The following CEP63 variants were observed in gnomAD, a reference collection of about 807,000 sequenced individuals.
CEP63 encodes the protein centrosomal protein of 63 kDa.
A neutral mutation model predicts 89.1 loss-of-function variants in CEP63; 84 were observed. The observed-to-expected ratio is 0.94, with a 90% CI of 0.79 to 1.13. The LOEUF (loss-of-function observed/expected upper bound fraction) is 1.13, where lower values mean the gene tolerates loss of function less well. Ranked by LOEUF, CEP63 falls within the 50% of genes most tolerant of loss-of-function variation. The probability of loss-of-function intolerance (pLI) is 0.00; values close to 1 mark genes in which losing one functional copy is unlikely to be tolerated. For missense variants in CEP63, 838 were observed against 813.3 expected, an observed-to-expected ratio of 1.03 and a Z score of -0.37; for synonymous variants, 267 against 272.5, an observed-to-expected ratio of 0.98 and a Z score of 0.20.
At chr3:134,594,511 C>T in the CEP63 span, among the ~76,000 whole-genome samples, 22 of 152,130 alleles carry the variant, frequency 1.4e-4, no homozygotes, top group African/African-American at 4.8e-4. Flanking sequence ...CGGCACTCCT[C>T]CCATTGATTG....
At chr3:134,568,327 C>T (rs1957870448), downstream of CEP63, among the ~76,000 whole-genome samples, 1 of 152,148 alleles carries the variant, frequency 6.6e-6, no homozygotes, top group African/African-American at 2.4e-5. Context: ...GTTTCAGATC[C>T]CCAACTTAAA....
chr3:134,699,588 C>T, the CEP63 span, among the ~76,000 whole-genome samples: 2 of 151,884 alleles, frequency 1.3e-5, no homozygotes, highest in Admixed American at 1.3e-4. Context: ...TTTTCCTGGC[C>T]TCCCTACACT....
In CEP63 at chr3:134,489,148, G is replaced by A. The variant is rs540447810; in HGVS notation, c.-26+2946G>A. Among the ~76,000 whole-genome samples, 8 of 143,382 alleles carry A rather than the reference G, an allele frequency of 5.6e-5. No individual in the cohort carries two copies. The East Asian group carries it at 6.0e-4, about 11-fold the overall frequency. 94.1% of individuals were successfully genotyped at this position (143,382 alleles called of 152,430 possible). On this transcript the variant is annotated intron_variant, in intron 1 of 14. Coordinates refer to ENST00000675561, the MANE Select transcript of CEP63 (RefSeq NM_001353108.3). ...TGCACTCCAGCCTGGGTGACGGAGCGAGACTGTCTCAAAAAAAAAAAAAAA... is the reference window on the plus strand; with the variant it reads ...TGCACTCCAGCCTGGGTGACGGAGCAAGACTGTCTCAAAAAAAAAAAAAAA...
chr3:134,639,485 G>A, the CEP63 span, among the ~76,000 whole-genome samples: 1 of 152,200 alleles, frequency 6.6e-6, no homozygotes, highest in East Asian at 1.9e-4. Context: ...GACCATTCAT[G>A]ATTCCTTCTA....
chr3:134,515,413 ATTAT>A (rs1946000181), intron 3 of CEP63, among the ~76,000 whole-genome samples: 1 of 152,230 alleles, frequency 6.6e-6, no homozygotes, highest in Non-Finnish European at 1.5e-5. Context: ...AAATGCAATT[ATTAT>A]TTAATGTTTA....
At chr3:134,604,281 C>T in the CEP63 span, 1 of 1,614,010 alleles carries the variant, frequency 6.2e-7, no homozygotes, top group South Asian at 1.1e-5. Flanking sequence ...TGTACTCCAG[C>T]ACTGAGCTGT....
In CEP63 at chr3:134,505,322, G is replaced by A. The variant is rs142570650; in HGVS notation, c.45-1787G>A. The stretch of plus-strand genomic sequence containing the variant: ...AGTGTTGGTTGGGTAGGGTGCTTTT[G>A]ATTTGATTCTCAGTGGGTGCAAGAG... On this transcript the variant is annotated intron_variant, in intron 2 of 14. Coordinates refer to ENST00000675561, the MANE Select transcript of CEP63 (RefSeq NM_001353108.3). 9.9e-5 allele frequency among the ~76,000 whole-genome samples: 15 copies of A among 152,000 alleles called. No individual in the cohort carries two copies. The East Asian group carries it at 2.7e-3, about 27-fold the overall frequency.
the CEP63 span, among the ~76,000 whole-genome samples, chr3:134,666,514 G>T: frequency 6.6e-6 from 1 of 152,172 alleles, no homozygotes; most frequent in African/African-American, 2.4e-5. Flanking sequence ...GTGGGCAGGG[G>T]GCAGGCAGGA....
the CEP63 span, among the ~76,000 whole-genome samples, chr3:134,621,906 T>A: frequency 6.6e-6 from 1 of 152,058 alleles, no homozygotes; most frequent in Non-Finnish European, 1.5e-5. Flanking sequence ...GGCAAAGGAC[T>A]TGAACAGATA....
At chr3:134,567,607 A>G (rs1001977719), downstream of CEP63, among the ~76,000 whole-genome samples, 3 of 152,164 alleles carry the variant, frequency 2.0e-5, no homozygotes, top group Non-Finnish European at 4.4e-5. Flanking sequence ...GAGTAACGGT[A>G]CCTTTCTTGG....
chr3:134,608,932 A>G, the CEP63 span: 17 of 1,419,018 alleles, frequency 1.2e-5, no homozygotes, highest in Non-Finnish European at 1.6e-5. Context: ...GACACCCTGG[A>G]TGGGAAGAGG....
chr3:134,525,732 A>C (rs1438515765), intron 3 of CEP63, among the ~76,000 whole-genome samples: 1 of 152,098 alleles, frequency 6.6e-6, no homozygotes, highest in African/African-American at 2.4e-5. Flanking sequence ...TCTGGGTTGA[A>C]ATTTCTTTTC....
At chr3:134,751,865 A>G in the CEP63 span, among the ~76,000 whole-genome samples, 1 of 152,206 alleles carries the variant, frequency 6.6e-6, no homozygotes, top group Admixed American at 6.5e-5. Flanking sequence ...CTCATTTTCC[A>G]GAAAGGGAAA....
chr3:134,650,162 T>C, the CEP63 span, among the ~76,000 whole-genome samples: 4 of 152,376 alleles, frequency 2.6e-5, no homozygotes, highest in Non-Finnish European at 5.9e-5. Flanking sequence ...ACAGTCACTT[T>C]ATTTTACCAA....
the CEP63 span, chr3:134,610,146 C>T: frequency 6.4e-7 from 1 of 1,566,516 alleles, no homozygotes; most frequent in East Asian, 2.2e-5. Context: ...CTGGCACATC[C>T]TCCACTTCCA....
At chr3:134,541,647 A>G (rs1952035587) in intron 6 of CEP63, among the ~76,000 whole-genome samples, 2 of 150,742 alleles carry the variant, frequency 1.3e-5, no homozygotes, top group Admixed American at 6.7e-5. Context: ...CCAAGTAGCT[A>G]GGATTACAGG....
At chr3:134,608,692 T>C in the CEP63 span, 2 of 1,614,052 alleles carry the variant, frequency 1.2e-6, no homozygotes, top group African/African-American at 1.3e-5. Context: ...TCAGCATCCC[T>C]TTGTTGTAGA....
intron 1 of CEP63, among the ~76,000 whole-genome samples, chr3:134,494,187 A>C (rs899696249): frequency 8.0e-5 from 12 of 150,764 alleles, no homozygotes; most frequent in Admixed American, 7.9e-4. Flanking sequence ...GTGATCTCGG[A>C]TCACTGCAAC....
chr3:134,619,753 C>T, the CEP63 span, among the ~76,000 whole-genome samples: 2 of 152,224 alleles, frequency 1.3e-5, no homozygotes, highest in Non-Finnish European at 2.9e-5. Flanking sequence ...TGGTGAGGCC[C>T]TAAGGCAGAA....
Sources: gnomAD v4.1 joint callset for allele counts (sites outside exome capture counted in the v4.1 genomes callset) on GRCh38, gnomAD v4.1.1 for gene constraint, MANE v1.5 for transcripts, NCBI Gene and HGNC (gene_info 2026-07-23, HGNC 2026-07-21) for gene names.